TSPOAP1: variants seen among roughly 807,000 people sequenced by gnomAD.
TSPOAP1 encodes TSPO associated protein 1, also known as peripheral-type benzodiazepine receptor-associated protein 1.
In TSPOAP1, 87 loss-of-function variants were observed where a neutral mutation model predicts 197.0. That is an observed-to-expected ratio of 0.44 (90% CI 0.37 to 0.53). The LOEUF (loss-of-function observed/expected upper bound fraction) is 0.53, where lower values mean the gene tolerates loss of function less well. TSPOAP1 is among the 20% of genes least tolerant of loss of function. TSPOAP1 has a pLI of 0.00. For missense variants in TSPOAP1, 2,174 were observed against 2,411.3 expected, an observed-to-expected ratio of 0.90 and a Z score of 2.06; for synonymous variants, 913 against 998.9, an observed-to-expected ratio of 0.91 and a Z score of 1.62.
At chr17:58,308,048 G>T in intron 22 of TSPOAP1, 107 bp from the exon 23 acceptor site, 1 of 1,138,622 alleles carries the variant, frequency 8.8e-7, no homozygotes. Flanking sequence ...CAGCGCAGGA[G>T]CACAGCATTC....
In TSPOAP1 at chr17:58,325,670, C is replaced by G; in HGVS notation, c.614G>C (p.Cys205Ser). Residue 205 changes from cysteine (C) to serine (S), a missense_variant, in exon 4 of 32, where the codon TGT becomes TCT. Transcript: ENST00000343736. ...TCGCTGGCGGGCTAGGGCCTTCCGA[C>G]ACAACTCCAAGCTGGTCCCCGGCCG... is the stretch of plus-strand genomic sequence containing the variant. ...LPRPGTSLELCRKALARQRAR... is the reference protein window; with the variant it reads ...LPRPGTSLELSRKALARQRAR... 2.5e-6 allele frequency: 4 copies of G among 1,612,964 alleles called. No individual in the cohort carries two copies. Among genetic ancestry groups the G allele is most frequent in the Non-Finnish European group, 3.4e-6 (4 of 1,179,914 alleles).
At chr17:58,316,665 G>A (rs1207927609) in intron 14 of TSPOAP1, 125 bp from the exon 15 acceptor site, 2 of 676,220 alleles carry the variant, frequency 3.0e-6, no homozygotes, top group South Asian at 1.9e-5. Flanking sequence ...CATACATGCT[G>A]CACAGGAGCA....
At position 58,302,181 on chromosome 17, in the gene TSPOAP1, G is replaced by T; in HGVS notation, c.*299C>A. ...TTAACGCAGAAGAACGGGGGCTCTG[G>T]GCCCAGTCTGAGCCTTCCCTGCTCA... On this transcript the variant is annotated 3_prime_UTR_variant, in exon 32 of 32. Transcript: ENST00000343736. 1 of 1,181,714 alleles carries T rather than the reference G, an allele frequency of 8.5e-7. No individual in the cohort carries two copies. The highest frequency in any genetic ancestry group is 1.1e-6 in the Non-Finnish European group (1 of 915,978). The allele number at this position is 1,181,714 out of a possible 1,614,324, so 73.2% of individuals were successfully genotyped here.
At position 58,304,767 on chromosome 17, in the gene TSPOAP1, G is replaced by T. The variant is rs1182354728; in HGVS notation, c.5544+294C>A. ...TTGGCCACAGGTGTGAGGCAGAGGG[G>T]TCCTTTTCCACAGGGCCCCCTCACC... On this transcript the variant is annotated intron_variant, in intron 30 of 31. Coordinates refer to ENST00000343736, the MANE Select transcript of TSPOAP1 (RefSeq NM_004758.4). The surrounding 1 kb of genome is among the most constrained non-coding windows in gnomAD (Gnocchi z 4.2). 3 of 589,410 alleles carry T rather than the reference G, an allele frequency of 5.1e-6. No individual in the cohort carries two copies. The highest frequency in any genetic ancestry group is 5.9e-5 in the East Asian group (2 of 34,140). 36.5% of individuals were successfully genotyped at this position (589,410 alleles called of 1,614,324 possible).
At chr17:58,306,665 G>A (rs1970904962) in intron 25 of TSPOAP1, 135 bp downstream of exon 25, 1 of 1,171,918 alleles carries the variant, frequency 8.5e-7, no homozygotes, top group South Asian at 1.6e-5. Flanking sequence ...CTACGCAGCA[G>A]GGTTCAAGGC....
intron 31 of TSPOAP1, chr17:58,303,741 G>A (rs1488374841): frequency 6.6e-6 from 1 of 152,234 alleles, no homozygotes; most frequent in Non-Finnish European, 1.5e-5. Flanking sequence ...TCGACCTCCT[G>A]GGCTCAAGTG....
rs1425292844 is a variant in TSPOAP1 at position 58,322,466 on chromosome 17, G to C, written c.1318-54C>G. ...GAGCCCCTACTTGGCCATTTCTAGA[G>C]AAGATCTAAGATGAGGAAGCCTCAA... On this transcript the variant is annotated intron_variant, in intron 9 of 31. Coordinates refer to ENST00000343736, the MANE Select transcript of TSPOAP1 (RefSeq NM_004758.4). The surrounding 1 kb of genome is among the most constrained non-coding windows in gnomAD (Gnocchi z 5.0). The C allele has an allele frequency of 6.3e-7, 1 of 1,584,472 alleles. No homozygotes were observed. Among genetic ancestry groups the C allele is most frequent in the Non-Finnish European group, 8.6e-7 (1 of 1,168,222 alleles).
Position 58,306,761 on chromosome 17 carries a change from G to A in TSPOAP1, c.5152+39C>T, listed in dbSNP as rs201177985. 16 of 1,584,784 alleles carry A rather than the reference G, an allele frequency of 1.0e-5. No individual in the cohort carries two copies. In the East Asian group the frequency reaches 2.0e-4, roughly 20 times the overall value. ...CAGGGTCAGGTGGAGTTGGAAGGGGGCTGGTGGGAGGTGGGTGAGGGACAG... is the reference window on the plus strand; with the variant it reads ...CAGGGTCAGGTGGAGTTGGAAGGGGACTGGTGGGAGGTGGGTGAGGGACAG... On this transcript the variant is annotated intron_variant, in intron 25 of 31. Coordinates refer to ENST00000343736, the MANE Select transcript of TSPOAP1 (RefSeq NM_004758.4).
intron 22 of TSPOAP1, among the ~76,000 whole-genome samples, chr17:58,308,167 T>C (rs1489713336): frequency 6.6e-6 from 1 of 150,656 alleles, no homozygotes; most frequent in Non-Finnish European, 1.5e-5. Context: ...ATGAATGGAG[T>C]AGAGGGGACT....
rs1970736376 is a variant in TSPOAP1 at position 58,302,132 on chromosome 17, T to C, written c.*348A>G. On this transcript the variant is annotated 3_prime_UTR_variant, in exon 32 of 32. Coordinates refer to ENST00000343736, the MANE Select transcript of TSPOAP1 (RefSeq NM_004758.4). ...AGCTCTGACCTTCACCAAGGCTCTT[T>C]GATTCCCTCTGAATGCCACAGTGTT... 8.8e-6 allele frequency: 7 copies of C among 793,862 alleles called. No individual in the cohort carries two copies. Among genetic ancestry groups the C allele is most frequent in the Non-Finnish European group, 1.2e-5 (7 of 581,056 alleles). The allele number at this position is 793,862 out of a possible 1,614,324, so 49.2% of individuals were successfully genotyped here. A position where few individuals can be genotyped will look rare whatever the true frequency, so the allele number is the denominator to read the frequency against.
At position 58,308,561 on chromosome 17, in the gene TSPOAP1, C is replaced by T; in HGVS notation, c.4711G>A (p.Ala1571Thr). ...ERRGRSATGR[A>T]KEPLSRATET... ...CGGACCCGGGAGAGTGGCTCCTTGG[C>T]TCTGCCCGTCGCACTGCGGCCTCTC... Residue 1571 changes from alanine to threonine, a missense_variant, in exon 22 of 32, where the codon GCC becomes ACC. By Grantham distance (58) the Ala-to-Thr change is moderately conservative (BLOSUM62 0). Transcript: ENST00000343736. 3 of 1,543,198 alleles carry T rather than the reference C, an allele frequency of 1.9e-6. No homozygotes were observed. The highest frequency in any genetic ancestry group is 1.8e-6 in the Non-Finnish European group (2 of 1,142,786).
rs200421546 is a variant in TSPOAP1 at position 58,307,755 on chromosome 17, C to T, written c.4839G>A (p.Ala1613=). Residue 1613 remains alanine (A), a synonymous_variant, in exon 24 of 32, where the codon GCG becomes GCA. Coordinates refer to ENST00000343736, the MANE Select transcript of TSPOAP1 (RefSeq NM_004758.4). ...AAGCCAGTGTTTCTGAGGGGCTCCT[C>T]GCAGGGACTGTGGAGACAGTGGAGA... The part of the protein sequence containing the change: ...LRPSTAELVP[A]RSPSETLAYQ... The T allele has an allele frequency of 9.9e-5, 160 of 1,613,988 alleles. 1 individual carries two copies. Among genetic ancestry groups the T allele is most frequent in the Middle Eastern group, 1.6e-4 (1 of 6,084 alleles).
rs1971081290 is a variant in TSPOAP1 at position 58,311,671 on chromosome 17, C to T, written c.2981G>A (p.Gly994Glu). Residue 994 changes from glycine to glutamate, a missense_variant, in exon 18 of 32, where the codon GGG becomes GAG. This residue lies in a region of TSPOAP1 where 1,933 missense variants were observed against 2,139.0 expected (regional missense o/e 0.90). Coordinates refer to ENST00000343736, the MANE Select transcript of TSPOAP1 (RefSeq NM_004758.4). ...DVQIEPGPSP[G>E]ILIISWLPVT... ...TGGGAGCCAACTGATGATCAAGATCCCAGGGGAGGGCCCAGGCTCGATCTG... is the reference window on the plus strand; with the variant it reads ...TGGGAGCCAACTGATGATCAAGATCTCAGGGGAGGGCCCAGGCTCGATCTG... 4 of 1,609,408 alleles carry T rather than the reference C, an allele frequency of 2.5e-6. No homozygotes were observed. In the East Asian group the frequency reaches 8.9e-5, roughly 36 times the overall value.
In TSPOAP1 at chr17:58,305,641, G is replaced by A. The variant is rs758614812; in HGVS notation, c.5260C>T (p.Pro1754Ser). The change falls in exon 28 of 32, where the codon CCC (proline) becomes TCC (serine). Residue 1754 changes from proline (P) to serine (S), a missense_variant and splice_region_variant. By Grantham distance (74) the Pro-to-Ser change is moderately conservative. Coordinates refer to ENST00000343736, the MANE Select transcript of TSPOAP1 (RefSeq NM_004758.4). ...TCAGCAGAGGGGACCAGCTTAGGGG[G>A]GCCTGCAGGGGGAGTAGGAGAAGAC... ...SEGPAQPCPG[P>S]PKLVPSADLK... is the part of the protein sequence containing the mutation. The A allele has an allele frequency of 1.8e-5, 27 of 1,496,436 alleles. No homozygotes were observed. Among genetic ancestry groups the A allele is most frequent in the Non-Finnish European group, 2.4e-5 (27 of 1,105,862 alleles). 92.7% of individuals were successfully genotyped at this position (1,496,436 alleles called of 1,614,324 possible).
At chr17:58,311,331 C>T in intron 18 of TSPOAP1, 118 bp from the exon 19 acceptor site, 4 of 1,416,960 alleles carry the variant, frequency 2.8e-6, no homozygotes, top group Non-Finnish European at 3.8e-6. Flanking sequence ...ACGCCAGGTA[C>T]TGTGCTAAGC....
intron 10 of TSPOAP1, among the ~76,000 whole-genome samples, chr17:58,321,518 G>A (rs1971405160): frequency 1.3e-5 from 2 of 152,112 alleles, no homozygotes; most frequent in Admixed American, 6.5e-5. Context: ...GGCTGGCCTC[G>A]AACTCCTGAC....
At position 58,322,834 on chromosome 17, in the gene TSPOAP1, T is replaced by C; in HGVS notation, c.1195-58A>G. ...GGTGAGCCTTGACCCACCAGCACCCTCACAGGGGGAACAGTACCCTACCCC... is the reference window on the plus strand; with the variant it reads ...GGTGAGCCTTGACCCACCAGCACCCCCACAGGGGGAACAGTACCCTACCCC... On this transcript the variant is annotated intron_variant, in intron 8 of 31. Transcript: ENST00000343736. This position sits in a 1 kb window ranked among gnomAD's most constrained non-coding sequence, Gnocchi z 5.0. The C allele has an allele frequency of 1.9e-6, 3 of 1,608,164 alleles. No homozygotes were observed. Among genetic ancestry groups the C allele is most frequent in the Non-Finnish European group, 2.5e-6 (3 of 1,176,842 alleles).
chr17:58,306,618 C>A, intron 25 of TSPOAP1, 182 bp downstream of exon 25: 3 of 928,436 alleles, frequency 3.2e-6, no homozygotes, highest in Non-Finnish European at 4.8e-6. Flanking sequence ...GCAACAGACG[C>A]CCACTCCACG....
chr17:58,310,307 C>T, intron 20 of TSPOAP1, 149 bp from the exon 21 acceptor site: 1 of 1,125,234 alleles, frequency 8.9e-7, no homozygotes, highest in East Asian at 2.6e-5. Context: ...CACCATGGCT[C>T]AGGGGCAGGG....
Sources: allele counts gnomAD v4.1 joint callset (sites outside exome capture counted in the v4.1 genomes callset), GRCh38; gene constraint gnomAD v4.1.1; regional missense constraint gnomAD v4.1.1; non-coding constraint Gnocchi (gnomAD v3.1); transcripts MANE v1.5; gene names NCBI Gene and HGNC (gene_info 2026-07-23, HGNC 2026-07-21).